The following PFDN1 variants were observed in gnomAD, a reference collection of about 807,000 sequenced individuals.
The protein encoded by PFDN1 is prefoldin subunit 1, also known as prefoldin 1.
In PFDN1, 6 loss-of-function variants were observed where a neutral mutation model predicts 17.3. The observed-to-expected ratio is 0.35, with a 90% CI of 0.19 to 0.69. PFDN1 has a LOEUF of 0.69. PFDN1 is among the 30% of genes least tolerant of loss of function. PFDN1 has a pLI of 0.65. For synonymous variants in PFDN1, 58 were observed against 50.1 expected (o/e 1.16, Z -0.67); for missense variants, 113 against 146.2 (o/e 0.77, Z 1.17).
chr5:140,245,426 G>A lies in PFDN1; in HGVS notation c.*548C>T. The A allele has an allele frequency of 4.3e-6, 3 of 702,452 alleles. No individual in the cohort carries two copies. The highest frequency in any genetic ancestry group is 3.0e-5 in the South Asian group (2 of 67,584). 43.5% of individuals were successfully genotyped at this position (702,452 alleles called of 1,614,324 possible). A position where few individuals can be genotyped will look rare whatever the true frequency, so the allele number is the denominator to read the frequency against. On this transcript the variant is annotated 3_prime_UTR_variant, in exon 4 of 4. Coordinates refer to ENST00000261813, the MANE Select transcript of PFDN1 (RefSeq NM_002622.5). ...CACTGAGATTCAGCTGTGAACATCTGTTCTTTCTTCCTCTTCTGTCTACTG... is the reference window on the plus strand; with the variant it reads ...CACTGAGATTCAGCTGTGAACATCTATTCTTTCTTCCTCTTCTGTCTACTG...
At chr5:140,290,482 G>T (rs986421679) in intron 2 of PFDN1, among the ~76,000 whole-genome samples, 1 of 152,112 alleles carries the variant, frequency 6.6e-6, no homozygotes, top group African/African-American at 2.4e-5. Context: ...CCCAGCATAC[G>T]GCCCCTGAGG....
intron 2 of PFDN1, among the ~76,000 whole-genome samples, chr5:140,285,296 C>T (rs536855269): frequency 3.6e-4 from 54 of 149,596 alleles, no homozygotes; most frequent in Middle Eastern, 3.5e-3. Context: ...TGCAGTGAGC[C>T]GAGATCGCGC....
At chr5:140,295,644 A>ATC in intron 2 of PFDN1, among the ~76,000 whole-genome samples, 1 of 152,210 alleles carries the variant, frequency 6.6e-6, no homozygotes, top group Non-Finnish European at 1.5e-5. Context: ...ACGCCAAAAG[A>ATC]CTGGATGGAA....
At position 140,270,127 on chromosome 5, in the gene PFDN1, G is replaced by A. The variant is rs564015925; in HGVS notation, c.285+11322C>T. Among the ~76,000 whole-genome samples the A allele has an allele frequency of 7.2e-5, 11 of 152,324 alleles. No homozygotes were observed. In the South Asian group the frequency reaches 2.3e-3, roughly 32 times the overall value. On this transcript the variant is annotated intron_variant, in intron 3 of 3. Coordinates refer to ENST00000261813, the MANE Select transcript of PFDN1 (RefSeq NM_002622.5). ...GATGTAAGAACAGAAACTGATCAGA[G>A]TAAGAATCTAGGATAAGGATTCTTG...
intron 3 of PFDN1, among the ~76,000 whole-genome samples, chr5:140,275,973 T>A (rs1765284558): frequency 6.6e-6 from 1 of 152,036 alleles, no homozygotes; most frequent in African/African-American, 2.4e-5. Flanking sequence ...TGGGTATAAA[T>A]TGTGCCTCCC....
intron 3 of PFDN1, among the ~76,000 whole-genome samples, chr5:140,264,131 T>C (rs6891922): frequency 6.8e-6 from 1 of 147,982 alleles, no homozygotes; most frequent in Non-Finnish European, 1.5e-5. Context: ...GAGTGGGAAG[T>C]TCCAGACATT....
chr5:140,282,975 G>A (rs1765432908), intron 2 of PFDN1, among the ~76,000 whole-genome samples: 1 of 152,178 alleles, frequency 6.6e-6, no homozygotes, highest in South Asian at 2.1e-4. Context: ...CATCAAGGTA[G>A]CAACATGCAG....
intron 3 of PFDN1, chr5:140,262,653 A>C: frequency 2.4e-6 from 1 of 421,330 alleles, no homozygotes; most frequent in East Asian, 7.2e-5. Context: ...TATTGAATAC[A>C]GGATGTATAT....
chr5:140,300,109 G>A (rs985678988), intron 2 of PFDN1, among the ~76,000 whole-genome samples: 3 of 152,102 alleles, frequency 2.0e-5, no homozygotes, highest in South Asian at 2.1e-4. Flanking sequence ...GCATGATTTC[G>A]GCTCACTGCA....
At chr5:140,290,886 A>G (rs1316475003) in intron 2 of PFDN1, among the ~76,000 whole-genome samples, 1 of 152,204 alleles carries the variant, frequency 6.6e-6, no homozygotes, top group Non-Finnish European at 1.5e-5. Context: ...ATGAAAGACA[A>G]TTAGTATCAT....
At chr5:140,292,062 A>T (rs1280530695) in intron 2 of PFDN1, among the ~76,000 whole-genome samples, 4 of 152,180 alleles carry the variant, frequency 2.6e-5, no homozygotes, top group African/African-American at 9.7e-5. Flanking sequence ...AAGCAGTAGT[A>T]TGTTAATCTA....
chr5:140,278,557 C>CAAAAAAAAAAA (rs113129230), intron 3 of PFDN1, among the ~76,000 whole-genome samples: 37 of 79,010 alleles, frequency 4.7e-4, no homozygotes, highest in Non-Finnish European at 6.4e-4. Flanking sequence ...GACTCTGTCT[C>CAAAAAAAAAAA]AAAAAAAAAA....
At chr5:140,250,808 A>G (rs1764902147) in intron 3 of PFDN1, among the ~76,000 whole-genome samples, 1 of 152,212 alleles carries the variant, frequency 6.6e-6, no homozygotes, top group Non-Finnish European at 1.5e-5. Flanking sequence ...AGCTTTCGGC[A>G]TTGCCCTCTC....
At chr5:140,273,910 T>C in intron 3 of PFDN1, 1 of 984,950 alleles carries the variant, frequency 1.0e-6, no homozygotes, top group South Asian at 4.7e-5. Flanking sequence ...AGGCTGACTT[T>C]AGGTTGAAGC....
intron 3 of PFDN1, among the ~76,000 whole-genome samples, chr5:140,266,468 G>A (rs1483729613): frequency 6.6e-6 from 1 of 152,184 alleles, no homozygotes; most frequent in African/African-American, 2.4e-5. Flanking sequence ...GCTTTCCCAA[G>A]ATATTTGCAT....
In PFDN1 at chr5:140,300,505, T is replaced by G. The variant is rs1272862588; in HGVS notation, c.111A>C (p.Leu37=). The change falls in exon 2 of 4, where the codon CTA becomes CTC. Residue 37 remains leucine (L), a synonymous_variant. Transcript: ENST00000261813. ...GATGTGCATGCTTTTTCGTTCTGTTTAGCTGTTCAATCTGTATGTCTGCGA... is the reference window on the plus strand; with the variant it reads ...GATGTGCATGCTTTTTCGTTCTGTTGAGCTGTTCAATCTGTATGTCTGCGA... ...VKLADIQIEQ[L]NRTKKHAHLT... 1.2e-6 allele frequency: 2 copies of G among 1,613,186 alleles called. No homozygotes were observed. Among genetic ancestry groups the G allele is most frequent in the Non-Finnish European group, 1.7e-6 (2 of 1,179,140 alleles).
rs1765251829 is a variant in PFDN1, at chr5:140,273,989, C to T, written c.285+7460G>A. On this transcript the variant is annotated intron_variant, in intron 3 of 3. Coordinates refer to ENST00000261813, the MANE Select transcript of PFDN1 (RefSeq NM_002622.5). Reference sequence around the variant, plus strand: ...GTGGCAAAAATGTGTTCAAATGTATCATTGAAAGTTTACATTTACCTCAAG... The same window carrying T: ...GTGGCAAAAATGTGTTCAAATGTATTATTGAAAGTTTACATTTACCTCAAG... 6.1e-6 allele frequency: 3 copies of T among 494,900 alleles called. No homozygotes were observed. In the South Asian group the frequency reaches 2.7e-4, roughly 44 times the overall value. 30.7% of individuals were successfully genotyped at this position (494,900 alleles called of 1,614,324 possible).
chr5:140,293,924 C>G lies in PFDN1; in HGVS notation c.200+6492G>C, dbSNP rs192987446. 3.0e-4 allele frequency among the ~76,000 whole-genome samples: 45 copies of G among 152,114 alleles called. No individual in the cohort carries two copies. The East Asian group carries it at 8.1e-3, about 27-fold the overall frequency. ...AAGATGTTGTTGTTTTCCCTTAGAA[C>G]TCTGGGCAATGAAAGCCATGACTTT... On this transcript the variant is annotated intron_variant, in intron 2 of 3. Transcript: ENST00000261813.
At chr5:140,294,509 G>A (rs1581098925) in intron 2 of PFDN1, among the ~76,000 whole-genome samples, 1 of 151,986 alleles carries the variant, frequency 6.6e-6, no homozygotes, top group East Asian at 1.9e-4. Flanking sequence ...ACTAAGGGAA[G>A]CTGCATATAT....
Sources: allele counts gnomAD v4.1 joint callset (sites outside exome capture counted in the v4.1 genomes callset), GRCh38; gene constraint gnomAD v4.1.1; transcripts MANE v1.5; gene names NCBI Gene and HGNC (gene_info 2026-07-23, HGNC 2026-07-21).